Variants in OR7E24 observed in about 807,000 individuals in gnomAD.
OR7E24 encodes olfactory receptor 7E24.
For missense variants in OR7E24, 385 were observed against 410.3 expected (o/e 0.94, Z 0.53); for synonymous variants, 130 against 157.5 (o/e 0.83, Z 1.31).
the OR7E24 span, chr19:9,214,709 C>T: frequency 4.3e-6 from 7 of 1,613,940 alleles, no homozygotes; most frequent in Middle Eastern, 1.6e-4. Context: ...GAATGATGAG[C>T]AGGTTCCCCA....
chr19:9,210,051 A>G, the OR7E24 span: 1 of 152,328 alleles, frequency 6.6e-6, no homozygotes. Context: ...TGATTAGAAC[A>G]CTATTTTTGC....
chr19:9,221,746 G>C, the OR7E24 span, among the ~76,000 whole-genome samples: 1 of 152,002 alleles, frequency 6.6e-6, no homozygotes, highest in African/African-American at 2.4e-5. Context: ...CACATGTCTA[G>C]TTTGCAAATA....
Position 9,251,493 on chromosome 19 carries a change from C to T in OR7E24, c.450C>T (p.Tyr150=), listed in dbSNP as rs1025088168. 6.2e-7 allele frequency: 1 copy of T among 1,614,002 alleles called. No homozygotes were observed. The highest frequency in any genetic ancestry group is 8.5e-7 in the Non-Finnish European group (1 of 1,180,018). Residue 150 remains tyrosine, a synonymous_variant, in exon 1 of 1, where the codon TAC becomes TAT. Coordinates refer to ENST00000456448, the MANE Select transcript of OR7E24 (RefSeq NM_001079935.2). ...RFVAICHPLH[Y]RIIMNPRLCG... is the part of the protein sequence containing the mutation. ...TGGCCATCTGTCACCCCCTGCACTA[C>T]CGAATCATCATGAACCCACGCCTCT... is the stretch of plus-strand genomic sequence containing the variant.
At chr19:9,220,989 G>T in the OR7E24 span, among the ~76,000 whole-genome samples, 1 of 152,078 alleles carries the variant, frequency 6.6e-6, no homozygotes, top group African/African-American at 2.4e-5. Flanking sequence ...AAAAATGTAT[G>T]TTGGGCCGGG....
upstream of OR7E24, among the ~76,000 whole-genome samples, chr19:9,244,770 G>A (rs1367070001): frequency 6.6e-6 from 1 of 152,098 alleles, no homozygotes; most frequent in Non-Finnish European, 1.5e-5. Flanking sequence ...GTAACTCAAA[G>A]GATATACTAT....
upstream of OR7E24, among the ~76,000 whole-genome samples, chr19:9,250,520 G>A (rs12609243): frequency 0.25 from 38,726 of 152,060 alleles, 5,892 homozygotes; most frequent in African/African-American, 0.41. Flanking sequence ...GTCAGAAAAC[G>A]TAAGAATGAT....
At chr19:9,215,363 A>C in the OR7E24 span, among the ~76,000 whole-genome samples, 19 of 150,452 alleles carry the variant, frequency 1.3e-4, no homozygotes, top group East Asian at 3.7e-3. Flanking sequence ...AAAAAAAAAA[A>C]AACCTCTTTT....
upstream of OR7E24, among the ~76,000 whole-genome samples, chr19:9,245,634 G>A (rs116589925): frequency 1.3e-5 from 2 of 152,074 alleles, no homozygotes; most frequent in African/African-American, 4.8e-5. Context: ...TATTAAATTC[G>A]AACTCAATTG....
chr19:9,243,149 T>A (rs1009080981), upstream of OR7E24, among the ~76,000 whole-genome samples: 3 of 152,130 alleles, frequency 2.0e-5, no homozygotes, highest in African/African-American at 7.2e-5. Flanking sequence ...TGATGAGAAC[T>A]GGTAGAACTG....
chr19:9,221,528 T>C, the OR7E24 span, among the ~76,000 whole-genome samples: 1 of 113,490 alleles, frequency 8.8e-6, no homozygotes, highest in African/African-American at 6.9e-5. Context: ...TTTTTTGTAT[T>C]TTTAGTAGAG....
chr19:9,222,003 G>A, the OR7E24 span, among the ~76,000 whole-genome samples: 8 of 152,294 alleles, frequency 5.3e-5, 1 homozygote, highest in Middle Eastern at 0.024. Context: ...TATATAGTGT[G>A]AAGTAAATAC....
At chr19:9,247,166 G>A (rs1485835318), upstream of OR7E24, among the ~76,000 whole-genome samples, 1 of 152,120 alleles carries the variant, frequency 6.6e-6, no homozygotes, top group East Asian at 1.9e-4. Context: ...CTGAGTGGAG[G>A]AAGAGCCCAA....
upstream of OR7E24, among the ~76,000 whole-genome samples, chr19:9,246,468 GTGTGTGTGT>G (rs1568335115): frequency 1.4e-3 from 149 of 107,124 alleles, 1 homozygote; most frequent in Middle Eastern, 4.5e-3. Flanking sequence ...TAAAGGTATT[GTGTGTGTGT>G]GTGTGTGTGT....
the OR7E24 span, chr19:9,214,725 G>C: frequency 6.2e-7 from 1 of 1,613,974 alleles, no homozygotes. Context: ...CCCCAGCACC[G>C]TGACCAGGTA....
At chr19:9,242,966 C>T (rs79866722), upstream of OR7E24, among the ~76,000 whole-genome samples, 923 of 151,954 alleles carry the variant, frequency 6.1e-3, 18 homozygotes, top group East Asian at 0.041. Context: ...ACCTTTATTT[C>T]CCATAATTGC....
chr19:9,221,044 A>ACGGGCGGATCACAGGGT, the OR7E24 span, among the ~76,000 whole-genome samples: 8 of 151,836 alleles, frequency 5.3e-5, no homozygotes, highest in African/African-American at 1.9e-4. Flanking sequence ...GGAGGCCTAG[A>ACGGGCGGATCACAGGGT]CGGGCGGATC....
the OR7E24 span, among the ~76,000 whole-genome samples, chr19:9,226,193 C>T: frequency 2.0e-5 from 3 of 152,212 alleles, no homozygotes; most frequent in Admixed American, 6.5e-5. Flanking sequence ...GTTTGAAATG[C>T]TTGTTCCCTG....
upstream of OR7E24, among the ~76,000 whole-genome samples, chr19:9,248,769 G>A (rs918358405): frequency 4.6e-5 from 7 of 152,196 alleles, no homozygotes; most frequent in Admixed American, 2.6e-4. Flanking sequence ...TTTCTATTCA[G>A]GAAACCGGAA....
At chr19:9,248,389 G>A (rs1056960957), upstream of OR7E24, among the ~76,000 whole-genome samples, 22 of 151,994 alleles carry the variant, frequency 1.4e-4, no homozygotes, top group African/African-American at 2.4e-4. Flanking sequence ...TATATAGCTC[G>A]TACCAGATCA....
Sources: allele counts gnomAD v4.1 joint callset (sites outside exome capture counted in the v4.1 genomes callset), GRCh38; gene constraint gnomAD v4.1.1; transcripts MANE v1.5; gene names NCBI Gene and HGNC (gene_info 2026-07-23, HGNC 2026-07-21).